The following MED13L variants were observed in gnomAD, a reference collection of about 807,000 sequenced individuals.
MED13L encodes mediator of RNA polymerase II transcription subunit 13-like.
In MED13L, 7 loss-of-function variants were observed where a neutral mutation model predicts 220.9. The ratio of observed to expected loss-of-function variants is 0.03; its 90% CI spans 0.02 to 0.06. MED13L has a LOEUF of 0.06. Ranked by LOEUF, MED13L falls within the 10% of genes least tolerant of loss-of-function variation. The pLI, the probability that MED13L is intolerant of heterozygous loss-of-function variation, is 1.00. For synonymous variants in MED13L, 1,011 were observed against 1,015.2 expected, an observed-to-expected ratio of 1.00 and a Z score of 0.08; for missense variants, 1,965 against 2,760.5, an observed-to-expected ratio of 0.71 and a Z score of 6.46.
intron 12 of MED13L, 142 bp from the exon 13 acceptor site, chr12:116,006,135 C>T (rs1879033038): frequency 1.5e-6 from 2 of 1,359,760 alleles, no homozygotes; most frequent in African/African-American, 2.9e-5. Flanking sequence ...ACAATTATTT[C>T]CAAATATGTT....
At chr12:116,060,162 A>G (rs1869320320) in intron 4 of MED13L, among the ~76,000 whole-genome samples, 1 of 152,098 alleles carries the variant, frequency 6.6e-6, no homozygotes, top group Admixed American at 6.6e-5. Flanking sequence ...CACTCTCATC[A>G]TTCTGTGGGC....
In MED13L at chr12:116,209,004, A is replaced by C. The variant is rs957754515; in HGVS notation, c.310+28464T>G. ...AATAAATAAAGCACCAGGGAAAAAA[A>C]AGGAAATACTACTATCTGATTCAAA... On this transcript the variant is annotated intron_variant, in intron 2 of 30. Transcript: ENST00000281928. 2.0e-5 allele frequency among the ~76,000 whole-genome samples: 3 copies of C among 152,136 alleles called. No homozygotes were observed. The East Asian group carries it at 5.8e-4, about 29-fold the overall frequency.
intron 1 of MED13L, among the ~76,000 whole-genome samples, chr12:116,269,594 C>G (rs570972480): frequency 2.0e-5 from 3 of 151,736 alleles, no homozygotes; most frequent in South Asian, 4.2e-4. Context: ...GGGGAGGCTG[C>G]GGTGGGAGGA....
At chr12:116,130,457 T>C (rs1429574927) in intron 2 of MED13L, among the ~76,000 whole-genome samples, 4 of 152,176 alleles carry the variant, frequency 2.6e-5, no homozygotes, top group African/African-American at 7.2e-5. Context: ...TTTCCAAAAA[T>C]ATTAATGAAA....
intron 2 of MED13L, among the ~76,000 whole-genome samples, chr12:116,140,610 T>A (rs1306262410): frequency 6.6e-6 from 1 of 152,130 alleles, no homozygotes. Flanking sequence ...AGGAAGCAAA[T>A]CATCACATCC....
rs1281269591 is a variant in MED13L, at chr12:115,970,751, A to G, written c.5910T>C (p.Ser1970=). ...VVMPDAVTMG[S]VFGRSTALNM... ...TCAGTGCAGTACTTCGGCCAAAAAC[A>G]GAGCCCATTGTGACAGCATCTTTAA... Residue 1970 remains serine, a synonymous_variant, in exon 27 of 31, where the codon TCT becomes TCC. Coordinates refer to ENST00000281928, the MANE Select transcript of MED13L (RefSeq NM_015335.5). 6.2e-7 allele frequency: 1 copy of G among 1,613,930 alleles called. No individual in the cohort carries two copies. Among genetic ancestry groups the G allele is most frequent in the East Asian group, 2.2e-5 (1 of 44,888 alleles).
intron 2 of MED13L, among the ~76,000 whole-genome samples, chr12:116,143,860 T>C (rs910127079): frequency 2.8e-4 from 43 of 152,268 alleles, no homozygotes; most frequent in African/African-American, 9.4e-4. Flanking sequence ...AAAATGAATA[T>C]ACAAAAACTA....
intron 2 of MED13L, among the ~76,000 whole-genome samples, chr12:116,205,915 T>C (rs1044422537): frequency 2.7e-5 from 4 of 149,654 alleles, no homozygotes; most frequent in African/African-American, 9.8e-5. Flanking sequence ...GTGAAAACTT[T>C]ACAATGCACT....
At chr12:116,233,974 C>T (rs552326808) in intron 2 of MED13L, among the ~76,000 whole-genome samples, 14 of 152,168 alleles carry the variant, frequency 9.2e-5, no homozygotes, top group African/African-American at 3.4e-4. Context: ...TGTGTGTGTA[C>T]CCTGTAGGAT....
In MED13L at chr12:115,975,543, A is replaced by G. The variant is rs1220435928; in HGVS notation, c.5560T>C (p.Cys1854Arg). ...TDLHGELLET[C>R]VVNIALPNRS... ...TTTGGTAAAGCAATATTTACAACGC[A>G]GGTCTCTAATAATTCCCCATGGAGG... Residue 1854 changes from cysteine (C) to arginine (R), a missense_variant, in exon 24 of 31, where the codon TGC becomes CGC. By Grantham distance (180) the Cys-to-Arg change is radical. Around this residue, in one of 10 missense-constraint regions of MED13L, gnomAD observed 510 missense variants for 620.4 expected, o/e 0.82. Coordinates refer to ENST00000281928, the MANE Select transcript of MED13L (RefSeq NM_015335.5). 2 of 1,614,038 alleles carry G rather than the reference A, an allele frequency of 1.2e-6. No individual in the cohort carries two copies. The highest frequency in any genetic ancestry group is 1.7e-6 in the Non-Finnish European group (2 of 1,180,004).
chr12:116,239,174 T>C (rs1870382132), intron 1 of MED13L, among the ~76,000 whole-genome samples: 1 of 152,132 alleles, frequency 6.6e-6, no homozygotes, highest in Non-Finnish European at 1.5e-5. Context: ...TCAAAAAAGT[T>C]ACAAAGATAA....
Position 116,031,692 on chromosome 12 carries a change from AAAG to A in MED13L, c.480-9094_480-9092del, listed in dbSNP as rs1354458938. On this transcript the variant is annotated intron_variant, in intron 4 of 30. Coordinates refer to ENST00000281928, the MANE Select transcript of MED13L (RefSeq NM_015335.5). Reference sequence around the variant, plus strand: ...AGAAAAGAAAAAAGAAAAGAAAAGAAAAGAAAAGAAAAGAAAAGAAAAGAAAAG... The same window carrying A: ...AGAAAAGAAAAAAGAAAAGAAAAGAAAAAAGAAAAGAAAAGAAAAGAAAAG... Among the ~76,000 whole-genome samples the A allele has an allele frequency of 5.9e-5, 2 of 34,070 alleles. 1 individual carries two copies. Among genetic ancestry groups the A allele is most frequent in the Non-Finnish European group, 1.5e-4 (2 of 13,538 alleles). The allele number at this position is 34,070 out of a possible 152,430, so 22.4% of individuals were successfully genotyped here. A position where few individuals can be genotyped will look rare whatever the true frequency, so the allele number is the denominator to read the frequency against.
In MED13L at chr12:116,019,371, A is replaced by C. The variant is rs1045528064; in HGVS notation, c.862T>G (p.Ser288Ala). 6.2e-7 allele frequency: 1 copy of C among 1,614,014 alleles called. No individual in the cohort carries two copies. The highest frequency in any genetic ancestry group is 1.3e-5 in the African/African-American group (1 of 75,028). ...MVYPSAFVLI[S>A]QNDIPVPQSV... ...TGAGGAACCGGGATGTCATTCTGAG[A>C]GATCAAAACAAATGCTGAAGGGTAA... The change falls in exon 7 of 31, where the codon TCT becomes GCT. Residue 288 changes from serine (S) to alanine (A), a missense_variant. Ser to Ala is a moderately conservative substitution (Grantham distance 99). Transcript: ENST00000281928.
intron 1 of MED13L, among the ~76,000 whole-genome samples, chr12:116,253,333 C>T (rs1393578992): frequency 2.0e-5 from 3 of 149,786 alleles, no homozygotes; most frequent in Non-Finnish European, 4.4e-5. Flanking sequence ...ACAAGAAAAT[C>T]TCCAAGGCAA....
intron 4 of MED13L, among the ~76,000 whole-genome samples, chr12:116,045,603 G>A (rs1881786418): frequency 6.6e-6 from 1 of 152,112 alleles, no homozygotes; most frequent in Non-Finnish European, 1.5e-5. Flanking sequence ...TCTGGTAATA[G>A]TATATATGTG....
At chr12:116,087,228 A>G (rs979567784) in intron 4 of MED13L, among the ~76,000 whole-genome samples, 1 of 152,188 alleles carries the variant, frequency 6.6e-6, no homozygotes, top group African/African-American at 2.4e-5. Flanking sequence ...TAGCTACTTT[A>G]TTTATGCTAT....
intron 2 of MED13L, among the ~76,000 whole-genome samples, chr12:116,170,615 T>G (rs897373784): frequency 7.9e-5 from 12 of 151,206 alleles, no homozygotes; most frequent in East Asian, 3.9e-4. Context: ...TTTGTTTTTT[T>G]TTTTTTTTTA....
intron 14 of MED13L, among the ~76,000 whole-genome samples, chr12:115,999,145 G>C (rs1878587943): frequency 6.6e-6 from 1 of 152,180 alleles, no homozygotes; most frequent in Non-Finnish European, 1.5e-5. Flanking sequence ...GGGTGGGATA[G>C]CTCACACCTA....
chr12:115,997,128 G>A lies in MED13L; in HGVS notation c.2672C>T (p.Thr891Ile). 2.5e-6 allele frequency: 4 copies of A among 1,614,024 alleles called. No individual in the cohort carries two copies. Among genetic ancestry groups the A allele is most frequent in the South Asian group, 2.2e-5 (2 of 91,076 alleles). ...CTCCATCATGCCTAATGCTGTCACTGTCTCTGAGCTGATCCCATCTTTATA... is the reference window on the plus strand; with the variant it reads ...CTCCATCATGCCTAATGCTGTCACTATCTCTGAGCTGATCCCATCTTTATA... ...MNYKDGISSE[T>I]VTALGMMESP... Residue 891 changes from threonine (T) to isoleucine (I), a missense_variant, in exon 15 of 31, where the codon ACA becomes ATA. Coordinates refer to ENST00000281928, the MANE Select transcript of MED13L (RefSeq NM_015335.5).
Sources: gnomAD v4.1 joint callset for allele counts (sites outside exome capture counted in the v4.1 genomes callset) on GRCh38, gnomAD v4.1.1 for gene constraint, gnomAD v4.1.1 regional missense constraint, MANE v1.5 for transcripts, NCBI Gene and HGNC (gene_info 2026-07-23, HGNC 2026-07-21) for gene names.